The following EXOC6B variants were observed in gnomAD, a reference collection of about 807,000 sequenced individuals.
EXOC6B encodes the protein exocyst complex component 6B.
EXOC6B carries 54 observed loss-of-function variants against 113.5 expected under a neutral mutation model. The ratio of observed to expected loss-of-function variants is 0.48; its 90% CI spans 0.38 to 0.60. The LOEUF (loss-of-function observed/expected upper bound fraction) is 0.60, where lower values mean the gene tolerates loss of function less well. Among genes scored for constraint, EXOC6B ranks in the 20% least tolerant of loss-of-function variants. The pLI is 0.00. For missense variants in EXOC6B, 797 were observed against 977.5 expected (o/e 0.82, Z 2.46); for synonymous variants, 357 against 339.0 (o/e 1.05, Z -0.58).
intron 6 of EXOC6B, among the ~76,000 whole-genome samples, chr2:72,641,342 T>C (rs1024280329): frequency 1.3e-5 from 2 of 152,120 alleles, no homozygotes; most frequent in Admixed American, 1.3e-4. Context: ...ACCTGGAAAA[T>C]CAGGCCACTC....
At chr2:72,495,882 A>C (rs1043004330) in intron 14 of EXOC6B, among the ~76,000 whole-genome samples, 3 of 152,230 alleles carry the variant, frequency 2.0e-5, no homozygotes, top group Non-Finnish European at 4.4e-5. Context: ...TATATACTAC[A>C]CAATTCCATT....
chr2:72,794,134 T>G (rs912197567), intron 1 of EXOC6B, among the ~76,000 whole-genome samples: 2 of 152,256 alleles, frequency 1.3e-5, no homozygotes, highest in South Asian at 4.1e-4. Context: ...TCCTGTCACA[T>G]GCTAAATAGT....
chr2:72,457,679 T>C (rs918916989), intron 18 of EXOC6B, among the ~76,000 whole-genome samples: 5 of 152,076 alleles, frequency 3.3e-5, no homozygotes, highest in Admixed American at 6.6e-5. Flanking sequence ...GTGTATGCAA[T>C]TGTAAATTAT....
At chr2:72,735,789 C>T (rs775949621) in intron 2 of EXOC6B, among the ~76,000 whole-genome samples, 2 of 151,828 alleles carry the variant, frequency 1.3e-5, no homozygotes, top group African/African-American at 2.4e-5. Context: ...GAGCCAAGAT[C>T]GTGCCACTTC....
rs146635162 is a variant in EXOC6B, at chr2:72,195,430, G to A, written c.2197-11243C>T. Among the ~76,000 whole-genome samples the A allele has an allele frequency of 3.1e-3, 474 of 152,330 alleles. 1 individual carries two copies. Among genetic ancestry groups the A allele is most frequent in the African/African-American group, 0.011 (442 of 41,580 alleles). On this transcript the variant is annotated intron_variant, in intron 20 of 21. Transcript: ENST00000272427. ...GACTCAGTTGTCCCTTGTTGGGGTG[G>A]CAGAAGCAGGCAGGTGTGAATTTTC...
chr2:72,374,177 G>A (rs1691212115), intron 19 of EXOC6B, among the ~76,000 whole-genome samples: 1 of 152,170 alleles, frequency 6.6e-6, no homozygotes, highest in Non-Finnish European at 1.5e-5. Context: ...CCCACTGCTA[G>A]GTATTTATTC....
chr2:72,635,887 G>T (rs188198150), intron 6 of EXOC6B, among the ~76,000 whole-genome samples: 6 of 152,292 alleles, frequency 3.9e-5, no homozygotes, highest in Admixed American at 3.9e-4. Flanking sequence ...ATGGAAGGTT[G>T]CTTGACTATT....
At chr2:72,198,689 A>G (rs1349295596) in intron 20 of EXOC6B, among the ~76,000 whole-genome samples, 1 of 152,196 alleles carries the variant, frequency 6.6e-6, no homozygotes, top group Non-Finnish European at 1.5e-5. Context: ...TCCTTCTACT[A>G]TGCCAAGAGC....
At chr2:72,768,124 A>G (rs1048586432) in intron 1 of EXOC6B, among the ~76,000 whole-genome samples, 2 of 143,298 alleles carry the variant, frequency 1.4e-5, no homozygotes, top group Non-Finnish European at 3.1e-5. Context: ...ACTCCGTTAA[A>G]AAAAAAAAAA....
At position 72,329,572 on chromosome 2, in the gene EXOC6B, A is replaced by G. The variant is rs192987947; in HGVS notation, c.2196+5375T>C. On this transcript the variant is annotated intron_variant, in intron 20 of 21. Coordinates refer to ENST00000272427, the MANE Select transcript of EXOC6B (RefSeq NM_015189.3). The stretch of plus-strand genomic sequence containing the variant: ...ATTATTAAAGTTAAGATTTTTTCCT[A>G]TGAGTCACAGCAGTCAAGCAAAGGG... 6.0e-3 allele frequency among the ~76,000 whole-genome samples: 914 copies of G among 152,162 alleles called. 5 individuals carry two copies. Among genetic ancestry groups the G allele is most frequent in the Non-Finnish European group, 9.7e-3 (660 of 67,970 alleles).
chr2:72,272,973 G>A (rs997713488), intron 20 of EXOC6B, among the ~76,000 whole-genome samples: 6 of 152,088 alleles, frequency 3.9e-5, no homozygotes, highest in Non-Finnish European at 8.8e-5. Context: ...GAAAGTAAAA[G>A]GTGAGATTTT....
At chr2:72,319,979 G>A (rs1687757303) in intron 20 of EXOC6B, among the ~76,000 whole-genome samples, 1 of 151,998 alleles carries the variant, frequency 6.6e-6, no homozygotes, top group Non-Finnish European at 1.5e-5. Context: ...TGGGACAACA[G>A]GCACATGCCA....
chr2:72,819,062 C>T (rs1389453077), intron 1 of EXOC6B, among the ~76,000 whole-genome samples: 1 of 152,068 alleles, frequency 6.6e-6, no homozygotes, highest in Non-Finnish European at 1.5e-5. Flanking sequence ...TGCTGTACCC[C>T]AGAGCCTGGA....
chr2:72,493,326 C>A (rs1476343196), intron 15 of EXOC6B, among the ~76,000 whole-genome samples: 16 of 143,424 alleles, frequency 1.1e-4, no homozygotes, highest in African/African-American at 2.5e-4. Context: ...TTCTCCCCCC[C>A]CCCCCCCCGC....
At chr2:72,678,977 A>T (rs1162287360) in intron 6 of EXOC6B, among the ~76,000 whole-genome samples, 1 of 152,196 alleles carries the variant, frequency 6.6e-6, no homozygotes, top group East Asian at 1.9e-4. Context: ...AACTCTTAAA[A>T]TTATTCCACA....
At chr2:72,268,246 G>C (rs1483757908) in intron 20 of EXOC6B, among the ~76,000 whole-genome samples, 1 of 152,030 alleles carries the variant, frequency 6.6e-6, no homozygotes, top group African/African-American at 2.4e-5. Context: ...GAGTAGCTGG[G>C]ACTACAGGCC....
intron 20 of EXOC6B, among the ~76,000 whole-genome samples, chr2:72,251,242 C>T (rs1282829371): frequency 6.6e-6 from 1 of 152,110 alleles, no homozygotes; most frequent in East Asian, 1.9e-4. Flanking sequence ...AAACTAATCT[C>T]TTAGGTTTTC....
intron 18 of EXOC6B, among the ~76,000 whole-genome samples, chr2:72,430,315 A>G (rs1695447543): frequency 6.6e-6 from 1 of 152,220 alleles, no homozygotes. Flanking sequence ...ATAAACTCTG[A>G]GTAAAAAGAT....
chr2:72,639,394 G>T (rs554652813), intron 6 of EXOC6B, among the ~76,000 whole-genome samples: 2 of 152,216 alleles, frequency 1.3e-5, no homozygotes, highest in African/African-American at 2.4e-5. Flanking sequence ...CACCACCTCC[G>T]GCATGACTGC....
Sources: gnomAD v4.1 joint callset for allele counts (sites outside exome capture counted in the v4.1 genomes callset) on GRCh38, gnomAD v4.1.1 for gene constraint, MANE v1.5 for transcripts, NCBI Gene and HGNC (gene_info 2026-07-23, HGNC 2026-07-21) for gene names.